RANBP2: variants seen among roughly 807,000 people sequenced by gnomAD.
RANBP2 encodes the protein E3 SUMO-protein ligase RanBP2.
RANBP2 carries 57 observed loss-of-function variants against 303.6 expected under a neutral mutation model. The ratio of observed to expected loss-of-function variants is 0.19; its 90% CI spans 0.15 to 0.23. RANBP2 has a LOEUF of 0.23. Ranked by LOEUF, RANBP2 falls within the 10% of genes least tolerant of loss-of-function variation. RANBP2 has a pLI of 1.00. For missense variants in RANBP2, 3,138 were observed against 3,780.8 expected (o/e 0.83, Z 4.46); for synonymous variants, 1,167 against 1,301.5 (o/e 0.90, Z 2.23).
At chr2:109,667,080 C>T in the RANBP2 span, 1 of 770,438 alleles carries the variant, frequency 1.3e-6, no homozygotes, top group Non-Finnish European at 2.1e-6. Flanking sequence ...GTTTCAAATA[C>T]ACATAGATCA....
chr2:108,798,957 C>T, the RANBP2 span, among the ~76,000 whole-genome samples: 5 of 151,990 alleles, frequency 3.3e-5, no homozygotes, highest in African/African-American at 9.7e-5. Context: ...AGACCATTAG[C>T]GCATATCAGG....
chr2:109,541,416 G>C, the RANBP2 span, among the ~76,000 whole-genome samples: 2 of 152,056 alleles, frequency 1.3e-5, no homozygotes, highest in Non-Finnish European at 2.9e-5. Context: ...CACTCCTTAG[G>C]TGAGTCTATT....
rs762948977 is a variant in RANBP2, at chr2:108,735,527, A to T, written c.406-5A>T. The T allele has an allele frequency of 4.4e-6, 7 of 1,597,434 alleles. No individual in the cohort carries two copies. The highest frequency in any genetic ancestry group is 2.2e-5 in the South Asian group (2 of 90,994). ...TAATAATTTTTCTTTTTCCCCTCTA[A>T]ATAGGAACAGCTTCTAGATTGTGAA... On this transcript the variant is annotated splice_region_variant and splice_polypyrimidine_tract_variant and intron_variant, in intron 4 of 28. Coordinates refer to ENST00000283195, the MANE Select transcript of RANBP2 (RefSeq NM_006267.5).
chr2:109,078,104 A>ATATAGCG, the RANBP2 span, among the ~76,000 whole-genome samples: 1 of 88,390 alleles, frequency 1.1e-5, no homozygotes, highest in African/African-American at 3.6e-5. Flanking sequence ...ATATATATAT[A>ATATAGCG]TATATATATA....
the RANBP2 span, among the ~76,000 whole-genome samples, chr2:109,515,355 G>A: frequency 6.6e-6 from 1 of 152,204 alleles, no homozygotes; most frequent in Non-Finnish European, 1.5e-5. Context: ...TGGGGGCAGA[G>A]TGGCTATGCC....
At chr2:109,130,232 C>T in the RANBP2 span, 1 of 964,062 alleles carries the variant, frequency 1.0e-6, no homozygotes, top group South Asian at 5.0e-5. Context: ...CGTTGGCCCA[C>T]TCCGCTGTTG....
the RANBP2 span, among the ~76,000 whole-genome samples, chr2:108,908,526 A>AG: frequency 6.6e-6 from 1 of 152,056 alleles, no homozygotes; most frequent in African/African-American, 2.4e-5. Context: ...CCTCTTGACT[A>AG]GGGGGGTGAC....
the RANBP2 span, among the ~76,000 whole-genome samples, chr2:109,580,989 A>T: frequency 6.6e-6 from 1 of 152,210 alleles, no homozygotes; most frequent in African/African-American, 2.4e-5. Context: ...AGCACTGCAC[A>T]TCTGGAGAGG....
At chr2:109,111,846 T>C in the RANBP2 span, among the ~76,000 whole-genome samples, 1 of 145,376 alleles carries the variant, frequency 6.9e-6, no homozygotes, top group South Asian at 2.3e-4. Flanking sequence ...TGTGTTCTCA[T>C]TGTTCAGTTC....
the RANBP2 span, among the ~76,000 whole-genome samples, chr2:109,355,879 A>C: frequency 6.6e-6 from 1 of 152,150 alleles, no homozygotes; most frequent in Non-Finnish European, 1.5e-5. Context: ...GTCCTTCTGA[A>C]AGCAATGGCT....
chr2:109,612,297 A>C, the RANBP2 span, among the ~76,000 whole-genome samples: 1 of 152,200 alleles, frequency 6.6e-6, no homozygotes, highest in East Asian at 1.9e-4. Context: ...GTCTGGGGTT[A>C]AGAAGGAGGC....
At chr2:109,728,337 G>A in the RANBP2 span, among the ~76,000 whole-genome samples, 1 of 152,190 alleles carries the variant, frequency 6.6e-6, no homozygotes, top group Non-Finnish European at 1.5e-5. Flanking sequence ...TAGCAAAATA[G>A]ATGATCGTTG....
At chr2:109,016,375 C>T in the RANBP2 span, among the ~76,000 whole-genome samples, 10 of 152,204 alleles carry the variant, frequency 6.6e-5, no homozygotes, top group African/African-American at 2.4e-4. Flanking sequence ...GCGTGAGCCA[C>T]CGCGCCGGGT....
chr2:109,066,736 CG>C, the RANBP2 span, among the ~76,000 whole-genome samples: 1 of 151,962 alleles, frequency 6.6e-6, no homozygotes, highest in South Asian at 2.1e-4. Flanking sequence ...TGGGGGATGG[CG>C]GGGCAGGGGC....
At chr2:109,498,850 G>A in the RANBP2 span, among the ~76,000 whole-genome samples, 2 of 152,202 alleles carry the variant, frequency 1.3e-5, no homozygotes, top group South Asian at 2.1e-4. Flanking sequence ...GGGCAGGCCC[G>A]GCGTGGCCAC....
chr2:108,976,913 A>T, the RANBP2 span, among the ~76,000 whole-genome samples: 2 of 151,972 alleles, frequency 1.3e-5, no homozygotes, highest in South Asian at 2.1e-4. Context: ...CCACTTCTCC[A>T]AGGAGTCCTG....
chr2:109,683,313 A>G, the RANBP2 span, among the ~76,000 whole-genome samples: 1 of 152,274 alleles, frequency 6.6e-6, no homozygotes, highest in African/African-American at 2.4e-5. Context: ...GCCTAGAAGT[A>G]GGGTATATAA....
At chr2:109,023,007 T>C in the RANBP2 span, among the ~76,000 whole-genome samples, 5 of 151,958 alleles carry the variant, frequency 3.3e-5, no homozygotes, top group African/African-American at 1.2e-4. Context: ...GCCGAGATCA[T>C]GCCACTGCAC....
chr2:108,843,817 C>T, the RANBP2 span, among the ~76,000 whole-genome samples: 1 of 140,040 alleles, frequency 7.1e-6, no homozygotes, highest in East Asian at 2.1e-4. Context: ...AGGAAGTTTT[C>T]AGTCATTATT....
Sources: gnomAD v4.1 joint callset for allele counts (sites outside exome capture counted in the v4.1 genomes callset) on GRCh38, gnomAD v4.1.1 for gene constraint, MANE v1.5 for transcripts, NCBI Gene and HGNC (gene_info 2026-07-23, HGNC 2026-07-21) for gene names.